PDZD2: variants seen among roughly 807,000 people sequenced by gnomAD.
PDZD2 encodes PDZ domain containing 2.
Under a neutral mutation model 220.7 loss-of-function variants are expected in PDZD2, and 90 were observed. The observed-to-expected ratio is 0.41, with a 90% CI of 0.34 to 0.49. The LOEUF is 0.49. PDZD2 is among the 20% of genes least tolerant of loss of function. The pLI is 0.28. For missense variants in PDZD2, 3,174 were observed against 3,608.5 expected, an observed-to-expected ratio of 0.88 and a Z score of 3.08; for synonymous variants, 1,375 against 1,450.5, an observed-to-expected ratio of 0.95 and a Z score of 1.18.
chr5:32,062,497 G>A (rs773926205), intron 14 of PDZD2, among the ~76,000 whole-genome samples: 13 of 151,026 alleles, frequency 8.6e-5, no homozygotes, highest in East Asian at 1.9e-4. Flanking sequence ...GGGTTCCAGC[G>A]ATCCTCCCAC....
At chr5:32,096,270 C>T (rs889510386) in intron 21 of PDZD2, among the ~76,000 whole-genome samples, 6 of 152,084 alleles carry the variant, frequency 3.9e-5, no homozygotes, top group African/African-American at 1.4e-4. Context: ...GTCAACCTCC[C>T]AACTCCCCCA....
chr5:31,995,459 C>T, intron 3 of PDZD2, 117 bp from the exon 4 acceptor site: 1 of 1,043,192 alleles, frequency 9.6e-7, no homozygotes, highest in Non-Finnish European at 1.5e-6. Context: ...CTGTGATAAT[C>T]TGTGATATCT....
chr5:31,806,009 G>A lies in PDZD2; in HGVS notation c.476+6285G>A, dbSNP rs781570595. Among the ~76,000 whole-genome samples the A allele has an allele frequency of 1.9e-4, 29 of 152,190 alleles. 1 individual carries two copies. Among genetic ancestry groups the A allele is most frequent in the African/African-American group, 3.4e-4 (14 of 41,528 alleles). The stretch of plus-strand genomic sequence containing the variant: ...CTCTGCTGACACCTTGAGCTCCAGC[G>A]TCTCACCTCTAAAACCGTGACACAG... On this transcript the variant is annotated intron_variant, in intron 2 of 24. Transcript: ENST00000438447.
At chr5:32,077,858 G>A in intron 19 of PDZD2, 1 of 397,148 alleles carries the variant, frequency 2.5e-6, no homozygotes, top group Non-Finnish European at 4.8e-6. Context: ...TTGGGAGGCT[G>A]AGGCAGGAGA....
chr5:32,027,063 C>T (rs867753707), intron 6 of PDZD2, among the ~76,000 whole-genome samples: 11 of 152,076 alleles, frequency 7.2e-5, no homozygotes, highest in Admixed American at 2.0e-4. Flanking sequence ...CCACCACGCC[C>T]GGCTGATTTT....
intron 5 of PDZD2, among the ~76,000 whole-genome samples, chr5:32,005,864 G>A (rs991414811): frequency 6.6e-6 from 1 of 152,068 alleles, no homozygotes; most frequent in African/African-American, 2.4e-5. Context: ...GAGATATCAA[G>A]GGGGCAGGTG....
At chr5:31,714,356 G>A (rs905431629) in intron 1 of PDZD2, among the ~76,000 whole-genome samples, 4 of 152,152 alleles carry the variant, frequency 2.6e-5, no homozygotes, top group African/African-American at 4.8e-5. Flanking sequence ...CTTGTGTCTC[G>A]GCTTCCACAG....
intron 1 of PDZD2, among the ~76,000 whole-genome samples, chr5:31,779,661 C>T (rs1226985802): frequency 6.6e-6 from 1 of 152,104 alleles, no homozygotes; most frequent in Non-Finnish European, 1.5e-5. Flanking sequence ...GTGTGAGCCA[C>T]CGCGCCCGGC....
intron 1 of PDZD2, among the ~76,000 whole-genome samples, chr5:31,690,588 G>A (rs1287449582): frequency 1.3e-5 from 2 of 152,076 alleles, no homozygotes; most frequent in African/African-American, 4.8e-5. Flanking sequence ...CCTTAGCTGT[G>A]GCCAGATCAC....
At chr5:31,699,972 G>A (rs1485645172) in intron 1 of PDZD2, among the ~76,000 whole-genome samples, 6 of 152,054 alleles carry the variant, frequency 3.9e-5, no homozygotes, top group African/African-American at 4.8e-5. Flanking sequence ...GAAAGCTTGG[G>A]GAACCCTTGA....
intron 1 of PDZD2, among the ~76,000 whole-genome samples, chr5:31,781,476 A>G (rs886092670): frequency 6.6e-6 from 1 of 152,186 alleles, no homozygotes; most frequent in African/African-American, 2.4e-5. Flanking sequence ...AAAGGGAGGA[A>G]GTGGTGGGTA....
intron 1 of PDZD2, among the ~76,000 whole-genome samples, chr5:31,717,352 A>G (rs1272703934): frequency 6.6e-6 from 1 of 152,150 alleles, no homozygotes; most frequent in African/African-American, 2.4e-5. Flanking sequence ...CTCAAGGAGA[A>G]TGCAGTCTAG....
intron 2 of PDZD2, among the ~76,000 whole-genome samples, chr5:31,869,500 G>T (rs183309169): frequency 2.1e-4 from 32 of 152,134 alleles, no homozygotes; most frequent in Non-Finnish European, 2.6e-4. Flanking sequence ...GGAGGCGGAG[G>T]TTGCAGTGAG....
intron 2 of PDZD2, among the ~76,000 whole-genome samples, chr5:31,851,982 G>A (rs573066349): frequency 7.3e-5 from 11 of 151,446 alleles, no homozygotes; most frequent in African/African-American, 2.7e-4. Context: ...TCAGCCTCCT[G>A]AGTAGCTGGG....
chr5:31,777,446 G>A (rs536873058), intron 1 of PDZD2, among the ~76,000 whole-genome samples: 21 of 146,502 alleles, frequency 1.4e-4, no homozygotes, highest in South Asian at 2.4e-4. Flanking sequence ...GACGGGCGCC[G>A]CCCCCTGCTC....
chr5:31,989,428 T>TTTTTTTTTTTTTTTTATTTATTTATTTC (rs1561277993), intron 3 of PDZD2, among the ~76,000 whole-genome samples: 1 of 146,516 alleles, frequency 6.8e-6, no homozygotes, highest in African/African-American at 2.6e-5. Flanking sequence ...TTTCTTTTTT[T>TTTTTTTTTTTTTTTTATTTATTTATTTC]TTTTTTTTTT....
At chr5:31,994,918 C>T (rs1264329517) in intron 3 of PDZD2, among the ~76,000 whole-genome samples, 1 of 152,180 alleles carries the variant, frequency 6.6e-6, no homozygotes, top group Non-Finnish European at 1.5e-5. Flanking sequence ...ATTCTAAGAA[C>T]AAACCTGGAA....
intron 1 of PDZD2, among the ~76,000 whole-genome samples, chr5:31,672,308 C>T (rs1746245546): frequency 6.6e-6 from 1 of 152,208 alleles, no homozygotes; most frequent in Admixed American, 6.5e-5. Flanking sequence ...CTCGCCAAAG[C>T]TGCTACAGCC....
chr5:31,885,744 A>G (rs1318247388), intron 2 of PDZD2, among the ~76,000 whole-genome samples: 1 of 152,044 alleles, frequency 6.6e-6, no homozygotes, highest in Non-Finnish European at 1.5e-5. Flanking sequence ...TCAAGTGATG[A>G]TTTTTTTTCT....
Sources: allele counts gnomAD v4.1 joint callset (sites outside exome capture counted in the v4.1 genomes callset), GRCh38; gene constraint gnomAD v4.1.1; transcripts MANE v1.5; gene names NCBI Gene and HGNC (gene_info 2026-07-23, HGNC 2026-07-21).